PARG: variants seen among roughly 807,000 people sequenced by gnomAD.
The protein encoded by PARG is mitochondrial poly(ADP-ribose) glycohydrolase.
In PARG, 35 loss-of-function variants were observed where a neutral mutation model predicts 113.0. That is an observed-to-expected ratio of 0.31 (90% CI 0.24 to 0.41). The LOEUF (loss-of-function observed/expected upper bound fraction) is 0.41, where lower values mean the gene tolerates loss of function less well. PARG is among the 10% of genes least tolerant of loss of function. The pLI is 1.00. For missense variants in PARG, 797 were observed against 1,169.4 expected (o/e 0.68, Z 4.64); for synonymous variants, 330 against 409.9 (o/e 0.81, Z 2.36).
chr10:49,881,578 T>C (rs1281145173), intron 8 of PARG, among the ~76,000 whole-genome samples: 1 of 152,094 alleles, frequency 6.6e-6, no homozygotes, highest in Non-Finnish European at 1.5e-5. Context: ...GAGCAAACTG[T>C]CCTGATCATA....
At chr10:49,936,173 T>C (rs1589014619) in intron 1 of PARG, among the ~76,000 whole-genome samples, 2 of 152,154 alleles carry the variant, frequency 1.3e-5, no homozygotes, top group Admixed American at 1.3e-4. Flanking sequence ...TCCACTAGAT[T>C]GAACAGTTAC....
At chr10:49,914,530 G>A (rs2132838175) in intron 7 of PARG, among the ~76,000 whole-genome samples, 1 of 152,306 alleles carries the variant, frequency 6.6e-6, no homozygotes, top group Non-Finnish European at 1.5e-5. Flanking sequence ...AATTAGTTTG[G>A]ATTCTATTAA....
intron 2 of PARG, among the ~76,000 whole-genome samples, chr10:49,934,875 C>G (rs1455446033): frequency 2.0e-5 from 3 of 151,704 alleles, no homozygotes; most frequent in Admixed American, 2.0e-4. Flanking sequence ...ACAGACTATT[C>G]CTCTCTCATC....
At chr10:49,908,764 C>T (rs1291386238) in intron 7 of PARG, among the ~76,000 whole-genome samples, 5 of 151,882 alleles carry the variant, frequency 3.3e-5, no homozygotes, top group African/African-American at 1.2e-4. Context: ...TCAGTGTTAT[C>T]AAAAAACCAA....
At position 49,818,744 on chromosome 10, in the gene PARG, G is replaced by A. The variant is rs1400739142; in HGVS notation, c.*596C>T. ...TACAGATAAAAATGATACCTCAAAA[G>A]TACAATTTCTGGAAATTATTCTATC... On this transcript the variant is annotated 3_prime_UTR_variant, in exon 18 of 18. Transcript: ENST00000616448. The A allele has an allele frequency of 1.3e-5, 2 of 151,938 alleles. No homozygotes were observed. Among genetic ancestry groups the A allele is most frequent in the South Asian group, 4.2e-4 (2 of 4,816 alleles). 9.4% of individuals were successfully genotyped at this position (151,938 alleles called of 1,614,324 possible). A position where few individuals can be genotyped will look rare whatever the true frequency, so the allele number is the denominator to read the frequency against.
intron 4 of PARG, among the ~76,000 whole-genome samples, chr10:49,927,071 G>A (rs1327480699): frequency 2.6e-5 from 4 of 152,084 alleles, no homozygotes; most frequent in African/African-American, 9.7e-5. Flanking sequence ...CACTTTGGGA[G>A]GTTGAGGAGG....
chr10:49,922,240 A>G lies in PARG; in HGVS notation c.1662+96T>C, dbSNP rs1216277291. Reference sequence around the variant, plus strand: ...GCCAGGAAGCAAGCATTTTGCATCTAAACAATGTTGCTACCTGAGTCTATT... The same window carrying G: ...GCCAGGAAGCAAGCATTTTGCATCTGAACAATGTTGCTACCTGAGTCTATT... On this transcript the variant is annotated intron_variant, in intron 6 of 17. Coordinates refer to ENST00000616448, the MANE Select transcript of PARG (RefSeq NM_003631.5). 3.1e-6 allele frequency: 4 copies of G among 1,311,190 alleles called. No individual in the cohort carries two copies. In the East Asian group the frequency reaches 1.0e-4, roughly 33 times the overall value. The allele number at this position is 1,311,190 out of a possible 1,614,324, so 81.2% of individuals were successfully genotyped here.
chr10:49,823,597 C>T (rs781830142), intron 16 of PARG, among the ~76,000 whole-genome samples: 2 of 151,956 alleles, frequency 1.3e-5, no homozygotes, highest in Non-Finnish European at 2.9e-5. Context: ...TTTCAATACA[C>T]CCTATTTCAA....
At chr10:49,826,876 C>A (rs1844384679) in intron 16 of PARG, among the ~76,000 whole-genome samples, 1 of 152,106 alleles carries the variant, frequency 6.6e-6, no homozygotes, top group Admixed American at 6.5e-5. Flanking sequence ...TCCTGTCAGG[C>A]AGAGATAATC....
At chr10:49,918,889 G>A (rs1278777377) in intron 6 of PARG, among the ~76,000 whole-genome samples, 1 of 152,000 alleles carries the variant, frequency 6.6e-6, no homozygotes, top group Non-Finnish European at 1.5e-5. Flanking sequence ...GGTGCACTAA[G>A]GAATTGCTAG....
chr10:49,941,256 CA>C (rs1177547826), intron 1 of PARG, among the ~76,000 whole-genome samples: 5 of 152,184 alleles, frequency 3.3e-5, no homozygotes, highest in Admixed American at 3.3e-4. Flanking sequence ...CCTGAAGAAG[CA>C]AACAGGTGGT....
At chr10:49,834,568 A>G (rs960339295) in intron 15 of PARG, among the ~76,000 whole-genome samples, 2 of 152,192 alleles carry the variant, frequency 1.3e-5, no homozygotes, top group African/African-American at 4.8e-5. Context: ...CATAAAAACA[A>G]ACCATGAAAC....
rs1564664749 is a variant in PARG, at chr10:49,927,354, GAAAGAAGGAAA to G, written c.1456-4696_1456-4686del. On this transcript the variant is annotated intron_variant, in intron 4 of 17. Coordinates refer to ENST00000616448, the MANE Select transcript of PARG (RefSeq NM_003631.5). ...GGAAAGAAGGAAGGAAGGAAGGAAA[GAAAGAAGGAAA>G]GAAGGAAAGAAAGAAAGAAAGAAAG... Among the ~76,000 whole-genome samples, 564 of 106,528 alleles carry G rather than the reference GAAAGAAGGAAA, an allele frequency of 5.3e-3. 10 individuals are homozygous for G. The highest frequency in any genetic ancestry group is 0.02 in the African/African-American group (528 of 26,752). The allele number at this position is 106,528 out of a possible 152,430, so 69.9% of individuals were successfully genotyped here.
intron 13 of PARG, among the ~76,000 whole-genome samples, chr10:49,849,121 G>A (rs1283777075): frequency 6.6e-6 from 1 of 151,850 alleles, no homozygotes; most frequent in Non-Finnish European, 1.5e-5. Context: ...CTTGAACCTG[G>A]GAGGCAGAGG....
intron 13 of PARG, among the ~76,000 whole-genome samples, chr10:49,849,932 C>T (rs1378690566): frequency 6.6e-6 from 1 of 152,054 alleles, no homozygotes. Context: ...GTGGGAGGAT[C>T]CCTTGAGCTC....
chr10:49,927,730 G>T (rs1291667971), intron 4 of PARG, among the ~76,000 whole-genome samples: 1 of 151,962 alleles, frequency 6.6e-6, no homozygotes, highest in African/African-American at 2.4e-5. Context: ...AACACTTTGG[G>T]AGGTTGAGGC....
At chr10:49,928,949 CTG>C (rs1283401594) in intron 4 of PARG, among the ~76,000 whole-genome samples, 3 of 152,198 alleles carry the variant, frequency 2.0e-5, no homozygotes, top group African/African-American at 4.8e-5. Flanking sequence ...ATACAACAAA[CTG>C]TTAAACTCTG....
intron 10 of PARG, among the ~76,000 whole-genome samples, chr10:49,868,272 C>A (rs188663265): frequency 3.9e-5 from 6 of 152,328 alleles, no homozygotes; most frequent in Admixed American, 2.6e-4. Flanking sequence ...CAGGCGTGAG[C>A]CACCGTGCCT....
At chr10:49,880,341 T>C (rs1564628896) in intron 8 of PARG, among the ~76,000 whole-genome samples, 1 of 152,134 alleles carries the variant, frequency 6.6e-6, no homozygotes, top group Non-Finnish European at 1.5e-5. Context: ...AAGAATCAAA[T>C]CTAACTTCAT....
Sources: allele counts gnomAD v4.1 joint callset (sites outside exome capture counted in the v4.1 genomes callset), GRCh38; gene constraint gnomAD v4.1.1; transcripts MANE v1.5; gene names NCBI Gene and HGNC (gene_info 2026-07-23, HGNC 2026-07-21).